CRACD: variants seen among roughly 807,000 people sequenced by gnomAD.
CRACD encodes capping protein-inhibiting regulator of actin dynamics.
A neutral mutation model predicts 106.8 loss-of-function variants in CRACD; 56 were observed. The observed-to-expected ratio is 0.52, with a 90% CI of 0.42 to 0.66. The LOEUF (loss-of-function observed/expected upper bound fraction) is 0.66. CRACD is among the 30% of genes least tolerant of loss of function. The probability of loss-of-function intolerance (pLI) is 0.00; values close to 1 mark genes in which losing one functional copy is unlikely to be tolerated. For missense variants in CRACD, 1,730 were observed against 1,623.2 expected (o/e 1.07, Z -1.13); for synonymous variants, 754 against 670.8 (o/e 1.12, Z -1.92).
chr4:56,317,982 A>G (rs1488040440), intron 8 of CRACD, among the ~76,000 whole-genome samples: 1 of 152,062 alleles, frequency 6.6e-6, no homozygotes, highest in African/African-American at 2.4e-5. Flanking sequence ...GCCAAAAGTT[A>G]CTCACATTTC....
Position 56,316,098 on chromosome 4 carries a change from C to CAGA in CRACD, c.2609_2611dup (p.Lys870dup), listed in dbSNP as rs748490494. ...CTTCAACTGCGACCAACAGGCAGAA[C>CAGA]AGAAGAAGAAGAAGAGGCACAGCAG... On this transcript the variant is annotated inframe_insertion, in exon 8 of 11. Transcript: ENST00000682029. 1.4e-5 allele frequency: 22 copies of CAGA among 1,614,084 alleles called. No homozygotes were observed. Among genetic ancestry groups the CAGA allele is most frequent in the Non-Finnish European group, 1.8e-5 (21 of 1,180,006 alleles).
chr4:56,260,107 A>T (rs897569837), intron 2 of CRACD, among the ~76,000 whole-genome samples: 3 of 152,200 alleles, frequency 2.0e-5, no homozygotes, highest in African/African-American at 7.2e-5. Context: ...TGACCACATG[A>T]CTGGTTGCAG....
intron 1 of CRACD, among the ~76,000 whole-genome samples, chr4:56,115,711 AAT>A (rs1379564786): frequency 6.6e-6 from 1 of 152,188 alleles, no homozygotes; most frequent in African/African-American, 2.4e-5. Flanking sequence ...CCTAGTTAGT[AAT>A]TTTAAGAAGA....
At position 56,284,619 on chromosome 4, in the gene CRACD, G is replaced by A. The variant is rs140208230; in HGVS notation, c.-17+12127G>A. Among the ~76,000 whole-genome samples the A allele has an allele frequency of 3.2e-3, 484 of 152,274 alleles. 5 individuals are homozygous for A. Among genetic ancestry groups the A allele is most frequent in the African/African-American group, 0.011 (467 of 41,558 alleles). ...GGGTACCTGTAATCCCAGCTACTTG[G>A]GAGGCTGAAGTAGGAGAATTGCTTG... On this transcript the variant is annotated intron_variant, in intron 3 of 10. Transcript: ENST00000682029.
chr4:56,099,088 G>C (rs1331848370), intron 1 of CRACD, among the ~76,000 whole-genome samples: 1 of 150,744 alleles, frequency 6.6e-6, no homozygotes, highest in Non-Finnish European at 1.5e-5. Context: ...TTGAGGAACA[G>C]GTGACAGTTT....
chr4:56,315,230 C>A lies in CRACD; in HGVS notation c.1728C>A (p.Pro576=). Residue 576 remains proline (P), a synonymous_variant, in exon 8 of 11, where the codon CCC becomes CCA. Transcript: ENST00000682029. This position sits in a 1 kb window ranked among gnomAD's most constrained non-coding sequence, Gnocchi z 4.1. The part of the protein sequence containing the change: ...LTAAPQEPKA[P]KASPVQHALP... Reference sequence around the variant, plus strand: ...CTGCTCCCCAGGAACCAAAGGCCCCCAAAGCCAGCCCAGTCCAGCACGCCC... The same window carrying A: ...CTGCTCCCCAGGAACCAAAGGCCCCAAAAGCCAGCCCAGTCCAGCACGCCC... 6.3e-7 allele frequency: 1 copy of A among 1,596,984 alleles called. No individual in the cohort carries two copies. The highest frequency in any genetic ancestry group is 8.5e-7 in the Non-Finnish European group (1 of 1,171,670).
At chr4:56,113,743 G>C (rs766984049) in intron 1 of CRACD, among the ~76,000 whole-genome samples, 3 of 152,016 alleles carry the variant, frequency 2.0e-5, no homozygotes, top group Admixed American at 6.5e-5. Flanking sequence ...ATGGGAGTTG[G>C]GTTCTATACT....
intron 1 of CRACD, among the ~76,000 whole-genome samples, chr4:56,161,071 C>T (rs1735933778): frequency 6.6e-6 from 1 of 152,068 alleles, no homozygotes; most frequent in African/African-American, 2.4e-5. Context: ...TAAAAAAACT[C>T]ATTAATGTCT....
At chr4:56,222,363 T>C (rs115127497) in intron 2 of CRACD, among the ~76,000 whole-genome samples, 2,414 of 152,180 alleles carry the variant, frequency 0.016, 65 homozygotes, top group African/African-American at 0.055. Context: ...TACAGAGTGG[T>C]ATAATGCACT....
Position 56,315,204 on chromosome 4 carries a change from G to A in CRACD, c.1702G>A (p.Ala568Thr), listed in dbSNP as rs1745516327. ...GCCCGCAAAGGACACGGGGCTCACC[G>A]CTGCTCCCCAGGAACCAAAGGCCCC... Reference protein sequence around the residue: ...VTPAKDTGLTAAPQEPKAPKA... With the variant: ...VTPAKDTGLTTAPQEPKAPKA... The change falls in exon 8 of 11, where the codon GCT (alanine) becomes ACT (threonine). Residue 568 changes from alanine to threonine, a missense_variant. This residue lies in a region of CRACD where 1,620 missense variants were observed against 1,481.6 expected (regional missense o/e 1.09). Transcript: ENST00000682029. The surrounding 1 kb of genome is among the most constrained non-coding windows in gnomAD (Gnocchi z 4.1). 1.3e-6 allele frequency: 2 copies of A among 1,593,212 alleles called. No individual in the cohort carries two copies. The highest frequency in any genetic ancestry group is 1.1e-5 in the South Asian group (1 of 88,338).
At chr4:56,307,797 A>G in intron 5 of CRACD, 98 bp downstream of exon 5, 2 of 1,266,238 alleles carry the variant, frequency 1.6e-6, no homozygotes, top group Non-Finnish European at 2.2e-6. Context: ...AATTAGAGGG[A>G]GGAGCTTTTC....
intron 2 of CRACD, among the ~76,000 whole-genome samples, chr4:56,258,428 T>A (rs2109608186): frequency 6.6e-6 from 1 of 152,336 alleles, no homozygotes; most frequent in South Asian, 2.1e-4. Flanking sequence ...TCTCAGCACC[T>A]CCTGAGGCTT....
chr4:56,306,511 T>TCAAA (rs61517832), intron 4 of CRACD, among the ~76,000 whole-genome samples: 9,355 of 151,444 alleles, frequency 0.062, 302 homozygotes, highest in East Asian at 0.11. Context: ...AGACCGTGTC[T>TCAAA]CAAACAAACA....
At chr4:56,155,797 G>A (rs1001552834) in intron 1 of CRACD, among the ~76,000 whole-genome samples, 1 of 152,162 alleles carries the variant, frequency 6.6e-6, no homozygotes, top group Non-Finnish European at 1.5e-5. Context: ...TGTAGGAATA[G>A]CATATTTTCA....
intron 2 of CRACD, among the ~76,000 whole-genome samples, chr4:56,268,213 CAAATT>C (rs1742140995): frequency 6.6e-6 from 1 of 152,156 alleles, no homozygotes; most frequent in Admixed American, 6.5e-5. Flanking sequence ...AGAGTTAACT[CAAATT>C]AAACTTCAAC....
intron 4 of CRACD, among the ~76,000 whole-genome samples, chr4:56,302,474 C>G (rs1007900988): frequency 2.6e-5 from 4 of 152,176 alleles, no homozygotes; most frequent in African/African-American, 9.7e-5. Flanking sequence ...GGAGGGAACA[C>G]CGCCATCCTG....
At position 56,314,362 on chromosome 4, in the gene CRACD, C is replaced by T. The variant is rs539395815; in HGVS notation, c.860C>T (p.Pro287Leu). 23 of 1,547,302 alleles carry T rather than the reference C, an allele frequency of 1.5e-5. No homozygotes were observed. Among genetic ancestry groups the T allele is most frequent in the Non-Finnish European group, 1.7e-5 (20 of 1,146,110 alleles). Residue 287 changes from proline (P) to leucine (L), a missense_variant, in exon 8 of 11, where the codon CCG becomes CTG. This residue lies in a region of CRACD where 1,620 missense variants were observed against 1,481.6 expected (regional missense o/e 1.09). Transcript: ENST00000682029. This position sits in a 1 kb window ranked among gnomAD's most constrained non-coding sequence, Gnocchi z 4.4. ...QEPPLEAERA[P>L]REEQQRSLEA... ...CCGCCTCTAGAGGCGGAAAGGGCGC[C>T]GCGGGAAGAGCAGCAGCGGAGCCTG...
Position 56,119,429 on chromosome 4 carries a change from C to T in CRACD, c.-335-59855C>T, listed in dbSNP as rs367819574. Among the ~76,000 whole-genome samples, 14 of 151,908 alleles carry T rather than the reference C, an allele frequency of 9.2e-5. No homozygotes were observed. In the South Asian group the frequency reaches 2.7e-3, roughly 29 times the overall value. On this transcript the variant is annotated intron_variant, in intron 1 of 10. Coordinates refer to ENST00000682029, the MANE Select transcript of CRACD (RefSeq NM_001393381.1). The stretch of plus-strand genomic sequence containing the variant: ...CACTGTAGCCTCCACCTACTGGGCT[C>T]AAGCGATCCTCCCACCTCAGACTCC...
In CRACD at chr4:56,314,420, G is replaced by A. The variant is rs774150592; in HGVS notation, c.918G>A (p.Arg306=). ...EAPGWEDAER[R]EREERERLEA... is the part of the protein sequence containing the mutation. ...CAGGTTGGGAGGACGCGGAGCGGAG[G>A]GAGCGTGAGGAGCGCGAGCGCCTGG... Residue 306 remains arginine (R), a synonymous_variant, in exon 8 of 11, where the codon AGG becomes AGA. Coordinates refer to ENST00000682029, the MANE Select transcript of CRACD (RefSeq NM_001393381.1). This position sits in a 1 kb window ranked among gnomAD's most constrained non-coding sequence, Gnocchi z 4.4. 4 of 1,543,104 alleles carry A rather than the reference G, an allele frequency of 2.6e-6. No homozygotes were observed. The highest frequency in any genetic ancestry group is 2.5e-5 in the East Asian group (1 of 40,808).
Sources: gnomAD v4.1 joint callset for allele counts (sites outside exome capture counted in the v4.1 genomes callset) on GRCh38, gnomAD v4.1.1 for gene constraint, gnomAD v4.1.1 regional missense constraint, Gnocchi (gnomAD v3.1) non-coding constraint, MANE v1.5 for transcripts, NCBI Gene and HGNC (gene_info 2026-07-23, HGNC 2026-07-21) for gene names.